STK3: variants seen among roughly 807,000 people sequenced by gnomAD.
STK3 encodes serine/threonine kinase 3.
STK3 carries 41 observed loss-of-function variants against 58.0 expected under a neutral mutation model. The ratio of observed to expected loss-of-function variants is 0.71; its 90% CI spans 0.55 to 0.92. The LOEUF (loss-of-function observed/expected upper bound fraction) is 0.92, where lower values mean the gene tolerates loss of function less well. STK3 is among the 40% of genes least tolerant of loss of function. STK3 has a pLI of 0.00. For synonymous variants in STK3, 170 were observed against 191.0 expected (o/e 0.89, Z 0.91); for missense variants, 479 against 602.7 (o/e 0.79, Z 2.15).
intron 6 of STK3, among the ~76,000 whole-genome samples, chr8:98,696,322 T>C (rs1181832401): frequency 1.3e-5 from 2 of 152,008 alleles, no homozygotes; most frequent in African/African-American, 2.4e-5. Flanking sequence ...TTTGACTTCC[T>C]CTTTTCCTAA....
At chr8:98,831,145 C>T (rs573027722) in intron 3 of STK3, among the ~76,000 whole-genome samples, 1 of 152,224 alleles carries the variant, frequency 6.6e-6, no homozygotes, top group East Asian at 1.9e-4. Context: ...AGATCCAGTG[C>T]CTTTGAATAA....
chr8:98,589,965 G>A (rs917969727), intron 7 of STK3, among the ~76,000 whole-genome samples: 9 of 152,090 alleles, frequency 5.9e-5, no homozygotes, highest in Admixed American at 6.5e-5. Context: ...GCTCGCACAC[G>A]GTGCACGCAC....
At chr8:98,442,873 G>A (rs530837245) in intron 1 of STK3, among the ~76,000 whole-genome samples, 19 of 151,932 alleles carry the variant, frequency 1.3e-4, no homozygotes, top group Non-Finnish European at 2.5e-4. Flanking sequence ...ACTGTGGTTG[G>A]GTCCTCACAG....
chr8:98,768,099 G>A (rs1831058198), intron 2 of STK3, among the ~76,000 whole-genome samples: 1 of 152,160 alleles, frequency 6.6e-6, no homozygotes, highest in South Asian at 2.1e-4. Flanking sequence ...ACCTTAGTAT[G>A]AACTTAAAAA....
intron 6 of STK3, among the ~76,000 whole-genome samples, chr8:98,701,348 T>C (rs1288857911): frequency 1.3e-5 from 2 of 152,208 alleles, no homozygotes; most frequent in Admixed American, 6.5e-5. Flanking sequence ...CTGAGTGCAC[T>C]GGCTTACGCC....
chr8:98,633,043 T>C (rs571542229), intron 6 of STK3, among the ~76,000 whole-genome samples: 3 of 152,188 alleles, frequency 2.0e-5, no homozygotes, highest in African/African-American at 4.8e-5. Flanking sequence ...CATGCTGCTA[T>C]CAATAACTTC....
intron 6 of STK3, among the ~76,000 whole-genome samples, chr8:98,604,903 C>T (rs990694857): frequency 6.6e-6 from 1 of 152,178 alleles, no homozygotes; most frequent in Admixed American, 6.5e-5. Context: ...CTGCCAGATA[C>T]CCTAAATCAT....
the STK3 span, among the ~76,000 whole-genome samples, chr8:98,363,910 A>T: frequency 1.3e-5 from 2 of 152,114 alleles, no homozygotes; most frequent in South Asian, 4.2e-4. Context: ...CCCACCAGAC[A>T]CTCAAGAGTG....
At position 98,428,958 on chromosome 8, in the gene STK3, A is replaced by C; in HGVS notation, n.483+5169T>G. 2 of 1,614,008 alleles carry C rather than the reference A, an allele frequency of 1.2e-6. No homozygotes were observed. The highest frequency in any genetic ancestry group is 1.7e-6 in the Non-Finnish European group (2 of 1,179,984). ...GGGGGCCACTTTGAAATACAGCTACAAAGAAGTAGGGCTGCTCTTGCTCTA... is the reference window on the plus strand; with the variant it reads ...GGGGGCCACTTTGAAATACAGCTACCAAGAAGTAGGGCTGCTCTTGCTCTA... On this transcript the variant is annotated intron_variant and non_coding_transcript_variant, in intron 3 of 3. Coordinates refer to the STK3 transcript ENST00000517832. The surrounding 1 kb of genome is among the most constrained non-coding windows in gnomAD (Gnocchi z 6.7).
chr8:98,384,386 T>A (rs1438925590), intron 1 of STK3, among the ~76,000 whole-genome samples: 18 of 152,266 alleles, frequency 1.2e-4, no homozygotes. Flanking sequence ...TCCATTCTTT[T>A]GTTGCTTTGT....
chr8:98,770,835 G>A (rs1280813198), intron 2 of STK3, among the ~76,000 whole-genome samples: 1 of 152,054 alleles, frequency 6.6e-6, no homozygotes, highest in East Asian at 1.9e-4. Flanking sequence ...GAGACAAAGT[G>A]GGAACAGTTA....
At chr8:98,443,524 T>C (rs1818778139) in intron 1 of STK3, among the ~76,000 whole-genome samples, 1 of 152,222 alleles carries the variant, frequency 6.6e-6, no homozygotes. Context: ...AGCAAAGGCA[T>C]TTAGTAGTTA....
At chr8:98,751,284 T>C (rs961092216) in intron 3 of STK3, among the ~76,000 whole-genome samples, 37 of 151,996 alleles carry the variant, frequency 2.4e-4, no homozygotes, top group African/African-American at 8.2e-4. Flanking sequence ...GAAATAAAGG[T>C]CATCCAAATA....
intron 9 of STK3, among the ~76,000 whole-genome samples, chr8:98,536,842 C>A (rs1483051665): frequency 6.6e-6 from 1 of 152,214 alleles, no homozygotes; most frequent in Non-Finnish European, 1.5e-5. Context: ...GAAGGAGCAG[C>A]AATCTGCAGT....
intron 10 of STK3, among the ~76,000 whole-genome samples, chr8:98,489,738 C>T (rs1451575619): frequency 6.6e-6 from 1 of 151,964 alleles, no homozygotes; most frequent in Non-Finnish European, 1.5e-5. Flanking sequence ...TTTATTTATT[C>T]TGATATCTTG....
chr8:98,615,918 C>T (rs1271012479), intron 6 of STK3, among the ~76,000 whole-genome samples: 35 of 11,178 alleles, frequency 3.1e-3, no homozygotes, highest in African/African-American at 0.014. Context: ...CTTCCCCAAT[C>T]TAGCAAGGCA....
chr8:98,655,651 C>G (rs1319904745), intron 6 of STK3, among the ~76,000 whole-genome samples: 2 of 151,454 alleles, frequency 1.3e-5, no homozygotes, highest in Non-Finnish European at 2.9e-5. Context: ...AAAAAACAAA[C>G]AACCCCATCA....
intron 6 of STK3, among the ~76,000 whole-genome samples, chr8:98,616,343 G>T (rs1817712967): frequency 7.0e-6 from 1 of 142,908 alleles, no homozygotes; most frequent in Non-Finnish European, 1.5e-5. Flanking sequence ...ACCAGTACCA[G>T]CCGCTGCAAA....
chr8:98,771,840 G>T (rs541118957), intron 2 of STK3, among the ~76,000 whole-genome samples: 5 of 152,022 alleles, frequency 3.3e-5, no homozygotes, highest in Non-Finnish European at 7.4e-5. Context: ...ACCCACCTCG[G>T]CCTCCCAAAA....
Sources: gnomAD v4.1 joint callset for allele counts (sites outside exome capture counted in the v4.1 genomes callset) on GRCh38, gnomAD v4.1.1 for gene constraint, Gnocchi (gnomAD v3.1) non-coding constraint, MANE v1.5 for transcripts, NCBI Gene and HGNC (gene_info 2026-07-23, HGNC 2026-07-21) for gene names.